Variants in CTNNA2 observed in about 807,000 individuals in gnomAD.
CTNNA2 encodes catenin alpha 2, also known as catenin alpha-2.
In CTNNA2, 42 loss-of-function variants were observed where a neutral mutation model predicts 101.0. That is an observed-to-expected ratio of 0.42 (90% CI 0.32 to 0.54). CTNNA2 has a LOEUF of 0.54. CTNNA2 is among the 20% of genes least tolerant of loss of function. CTNNA2 has a pLI of 0.14. For missense variants in CTNNA2, 871 were observed against 1,223.1 expected, an observed-to-expected ratio of 0.71 and a Z score of 4.29; for synonymous variants, 450 against 456.4, an observed-to-expected ratio of 0.99 and a Z score of 0.18.
intron 9 of CTNNA2, among the ~76,000 whole-genome samples, chr2:80,448,179 T>A (rs1428899199): frequency 6.6e-6 from 1 of 152,218 alleles, no homozygotes; most frequent in Non-Finnish European, 1.5e-5. Context: ...TCTCCATCTT[T>A]GTCCTCAGAT....
intron 7 of CTNNA2, among the ~76,000 whole-genome samples, chr2:80,390,759 C>T (rs537533544): frequency 6.6e-6 from 1 of 152,226 alleles, no homozygotes; most frequent in East Asian, 1.9e-4. Context: ...AATCCTAGCC[C>T]TATTGGATCC....
chr2:80,094,141 C>A (rs183419657), intron 7 of CTNNA2, among the ~76,000 whole-genome samples: 5 of 152,244 alleles, frequency 3.3e-5, no homozygotes, highest in Non-Finnish European at 4.4e-5. Context: ...GGTTTTAAGT[C>A]TAACATGTAA....
At chr2:80,533,112 C>T (rs997370984) in intron 9 of CTNNA2, among the ~76,000 whole-genome samples, 1 of 152,162 alleles carries the variant, frequency 6.6e-6, no homozygotes, top group Non-Finnish European at 1.5e-5. Flanking sequence ...TTGATTTATA[C>T]ATCTAATTCC....
intron 7 of CTNNA2, among the ~76,000 whole-genome samples, chr2:80,258,411 A>T (rs1672336790): frequency 6.6e-6 from 1 of 152,198 alleles, no homozygotes; most frequent in African/African-American, 2.4e-5. Context: ...CCTTGTCCTA[A>T]GGGAAGTAGA....
At chr2:80,385,846 A>T (rs905919769) in intron 7 of CTNNA2, among the ~76,000 whole-genome samples, 2 of 151,980 alleles carry the variant, frequency 1.3e-5, no homozygotes, top group Non-Finnish European at 1.5e-5. Flanking sequence ...CAGTGGGAAA[A>T]TATGTCTCCT....
chr2:80,477,805 A>ATATCTTTG (rs1685844587), intron 9 of CTNNA2, among the ~76,000 whole-genome samples: 1 of 151,516 alleles, frequency 6.6e-6, no homozygotes, highest in African/African-American at 2.4e-5. Context: ...ATGGGCACTT[A>ATATCTTTG]GGTTAATTCC....
intron 4 of CTNNA2, among the ~76,000 whole-genome samples, chr2:79,375,803 A>T (rs1273878163): frequency 6.6e-6 from 1 of 152,158 alleles, no homozygotes; most frequent in Admixed American, 6.5e-5. Flanking sequence ...AAAGCCTACA[A>T]TTTCTTTCAA....
intron 7 of CTNNA2, among the ~76,000 whole-genome samples, chr2:80,147,635 A>G (rs980012140): frequency 6.6e-6 from 1 of 152,166 alleles, no homozygotes; most frequent in Non-Finnish European, 1.5e-5. Flanking sequence ...GATGCTGTAT[A>G]TGCTTTTCTT....
intron 1 of CTNNA2, among the ~76,000 whole-genome samples, chr2:79,186,048 T>C (rs1673775119): frequency 6.6e-6 from 1 of 152,160 alleles, no homozygotes; most frequent in East Asian, 1.9e-4. Context: ...GAAGGATTAT[T>C]ATTTCAGATT....
chr2:79,507,561 G>A (rs1381737016), intron 5 of CTNNA2, among the ~76,000 whole-genome samples: 1 of 152,092 alleles, frequency 6.6e-6, no homozygotes, highest in Admixed American at 6.6e-5. Context: ...ACAGAACCAT[G>A]AGCCAAATAA....
intron 3 of CTNNA2, among the ~76,000 whole-genome samples, chr2:79,347,440 T>C (rs983580354): frequency 1.3e-5 from 2 of 152,208 alleles, no homozygotes; most frequent in African/African-American, 2.4e-5. Flanking sequence ...GTTGGGAGAA[T>C]TAAATAAAAT....
At chr2:80,628,467 AC>A in intron 18 of CTNNA2, among the ~76,000 whole-genome samples, 1 of 151,654 alleles carries the variant, frequency 6.6e-6, no homozygotes, top group East Asian at 2.0e-4. Flanking sequence ...CCACACATCT[AC>A]AACCAGTTTT....
intron 3 of CTNNA2, among the ~76,000 whole-genome samples, chr2:79,836,224 A>G (rs929863961): frequency 3.3e-5 from 5 of 152,118 alleles, no homozygotes; most frequent in Non-Finnish European, 7.4e-5. Flanking sequence ...AATTGATTGC[A>G]TTTTAACCTT....
intron 7 of CTNNA2, among the ~76,000 whole-genome samples, chr2:80,109,898 A>T (rs564833495): frequency 2.6e-5 from 4 of 152,184 alleles, no homozygotes; most frequent in Admixed American, 2.0e-4. Context: ...ATGGTTGTCT[A>T]TGTGACTTGT....
At chr2:79,546,123 A>G (rs1005248761) in intron 1 of CTNNA2, among the ~76,000 whole-genome samples, 1 of 152,156 alleles carries the variant, frequency 6.6e-6, no homozygotes, top group African/African-American at 2.4e-5. Flanking sequence ...CAAGACTAAC[A>G]TTAGAGTTAG....
intron 14 of CTNNA2, 57 bp downstream of exon 14, chr2:80,581,876 G>T: frequency 4.9e-6 from 5 of 1,029,646 alleles, no homozygotes; most frequent in Non-Finnish European, 7.7e-6. Context: ...TACTAAAATG[G>T]TTTGAGGGTA....
chr2:79,698,117 AG>A (rs1490468915), intron 2 of CTNNA2, among the ~76,000 whole-genome samples: 1 of 152,054 alleles, frequency 6.6e-6, no homozygotes, highest in Non-Finnish European at 1.5e-5. Context: ...CATATATGTA[AG>A]CTTCGGATGA....
At chr2:79,642,315 G>A (rs1046112175) in intron 1 of CTNNA2, among the ~76,000 whole-genome samples, 2 of 152,038 alleles carry the variant, frequency 1.3e-5, no homozygotes, top group African/African-American at 4.8e-5. Context: ...TAGCAATAGC[G>A]GAGATACCCG....
At position 80,616,240 on chromosome 2, in the gene CTNNA2, G is replaced by A. The variant is rs115047128; in HGVS notation, c.2431-2845G>A. On this transcript the variant is annotated intron_variant, in intron 17 of 18. Transcript: ENST00000402739. ...ACATCGTCTTTTAAGAACCATGTAC[G>A]TTTGTCAGCCCAAATTTCTGTATGT... Among the ~76,000 whole-genome samples, 1,234 of 151,762 alleles carry A rather than the reference G, an allele frequency of 8.1e-3. 23 individuals are homozygous for A. The highest frequency in any genetic ancestry group is 0.027 in the African/African-American group (1,133 of 41,474).
Sources: allele counts gnomAD v4.1 joint callset (sites outside exome capture counted in the v4.1 genomes callset), GRCh38; gene constraint gnomAD v4.1.1; transcripts MANE v1.5; gene names NCBI Gene and HGNC (gene_info 2026-07-23, HGNC 2026-07-21).